The following TMEM14A variants were observed in gnomAD, a reference collection of about 807,000 sequenced individuals.
TMEM14A encodes the protein transmembrane protein 14A.
TMEM14A carries 8 observed loss-of-function variants against 11.6 expected under a neutral mutation model. The observed-to-expected ratio is 0.69, with a 90% CI of 0.40 to 1.24. The LOEUF (loss-of-function observed/expected upper bound fraction) is 1.24. Among genes scored for constraint, TMEM14A ranks in the 50% most tolerant of loss-of-function variants. TMEM14A has a pLI of 0.01. For missense variants in TMEM14A, 108 were observed against 121.9 expected, an observed-to-expected ratio of 0.89 and a Z score of 0.54; for synonymous variants, 34 against 45.5, an observed-to-expected ratio of 0.75 and a Z score of 1.02.
At chr6:52,671,834 A>G (rs771171287) in intron 1 of TMEM14A, among the ~76,000 whole-genome samples, 27 of 152,164 alleles carry the variant, frequency 1.8e-4, no homozygotes, top group Non-Finnish European at 3.7e-4. Flanking sequence ...CACATTTGTG[A>G]TGAGAGCGTG....
intron 2 of TMEM14A, among the ~76,000 whole-genome samples, chr6:52,677,829 T>C (rs945680791): frequency 6.6e-6 from 1 of 152,196 alleles, no homozygotes; most frequent in African/African-American, 2.4e-5. Flanking sequence ...AAGGGTATTG[T>C]ATTTGTGGCA....
At chr6:52,678,889 T>A (rs1443196258) in intron 2 of TMEM14A, among the ~76,000 whole-genome samples, 1 of 152,238 alleles carries the variant, frequency 6.6e-6, no homozygotes, top group African/African-American at 2.4e-5. Flanking sequence ...TTTTGTATTA[T>A]GTTCTAAGCT....
rs777724651 is a variant in TMEM14A, at chr6:52,684,083, G to C, written c.178G>C (p.Ala60Pro). Residue 60 changes from alanine (A) to proline (P), a missense_variant, in exon 4 of 5, where the codon GCT becomes CCT. Transcript: ENST00000211314. ...TGAATTAGTTTGGTTTTCAGTTACA[G>C]CTTTCTTCCTGGCTACCATAATGGG... ...KRDVKVSLFT[A>P]FFLATIMGVR... 3.1e-6 allele frequency: 5 copies of C among 1,612,580 alleles called. No homozygotes were observed. The highest frequency in any genetic ancestry group is 3.4e-6 in the Non-Finnish European group (4 of 1,179,596).
intron 3 of TMEM14A, among the ~76,000 whole-genome samples, 159 bp downstream of exon 3, chr6:52,682,073 C>G (rs1581745662): frequency 1.3e-5 from 2 of 152,176 alleles, no homozygotes; most frequent in Admixed American, 1.3e-4. Flanking sequence ...CTAGAAAGAC[C>G]TGATAAAAAA....
intron 1 of TMEM14A, among the ~76,000 whole-genome samples, chr6:52,675,102 C>T (rs761064478): frequency 3.9e-5 from 6 of 152,078 alleles, no homozygotes; most frequent in Non-Finnish European, 8.8e-5. Context: ...GGGCTGGTCT[C>T]AAACTCCTGA....
intron 1 of TMEM14A, among the ~76,000 whole-genome samples, chr6:52,676,205 A>T (rs530455806): frequency 6.6e-6 from 1 of 152,302 alleles, no homozygotes; most frequent in East Asian, 1.9e-4. Context: ...TGTGCTTAAC[A>T]GTGATGAGGA....
intron 1 of TMEM14A, among the ~76,000 whole-genome samples, chr6:52,672,265 C>G (rs1769174921): frequency 6.6e-6 from 1 of 151,580 alleles, no homozygotes; most frequent in Non-Finnish European, 1.5e-5. Flanking sequence ...AGGAGCTTGG[C>G]TGGCTGAGAG....
At chr6:52,676,812 G>C (rs554511812) in intron 1 of TMEM14A, among the ~76,000 whole-genome samples, 6 of 152,268 alleles carry the variant, frequency 3.9e-5, no homozygotes, top group African/African-American at 1.4e-4. Flanking sequence ...GAGAGCACGT[G>C]AAGGGGGAAG....
Position 52,671,426 on chromosome 6 carries a change from A to G in TMEM14A, c.-17+181A>G, listed in dbSNP as rs372528795. Among the ~76,000 whole-genome samples, 32 of 152,086 alleles carry G rather than the reference A, an allele frequency of 2.1e-4. No individual in the cohort carries two copies. In the East Asian group the frequency reaches 3.5e-3, roughly 17 times the overall value. On this transcript the variant is annotated intron_variant, in intron 1 of 4. Transcript: ENST00000211314. ...GCATCGGTCTTACCTCCGCGGTATCATTTTTCTCCTCCTCCCGAGTTTCTG... is the reference window on the plus strand; with the variant it reads ...GCATCGGTCTTACCTCCGCGGTATCGTTTTTCTCCTCCTCCCGAGTTTCTG...
chr6:52,681,926 A>G lies in TMEM14A; in HGVS notation c.172+12A>G, dbSNP rs764596286. 6.2e-7 allele frequency: 1 copy of G among 1,609,504 alleles called. No homozygotes were observed. The highest frequency in any genetic ancestry group is 1.1e-5 in the South Asian group (1 of 90,854). On this transcript the variant is annotated intron_variant, in intron 3 of 4. Transcript: ENST00000211314. ...AAAAGTGTCACTGTGTAAGTAAGGC[A>G]TTTTTCCTGGTTACAGAGACTCAAA...
At chr6:52,676,089 C>T (rs1769252582) in intron 1 of TMEM14A, among the ~76,000 whole-genome samples, 2 of 152,060 alleles carry the variant, frequency 1.3e-5, no homozygotes, top group African/African-American at 4.8e-5. Context: ...ACCTGGCTGA[C>T]CAGAGCAGAA....
chr6:52,680,267 G>A (rs528891188), intron 2 of TMEM14A, among the ~76,000 whole-genome samples: 2 of 151,948 alleles, frequency 1.3e-5, no homozygotes, highest in South Asian at 2.1e-4. Flanking sequence ...GCAGACATCC[G>A]AAGGTGAGCT....
At chr6:52,680,704 T>TATACACACAC (rs371102796) in intron 2 of TMEM14A, among the ~76,000 whole-genome samples, 3 of 51,106 alleles carry the variant, frequency 5.9e-5, no homozygotes, top group South Asian at 8.2e-4. Flanking sequence ...TATATATATA[T>TATACACACAC]ACACATATAT....
intron 2 of TMEM14A, among the ~76,000 whole-genome samples, chr6:52,679,659 G>C (rs73433351): frequency 0.013 from 1,970 of 152,236 alleles, 34 homozygotes; most frequent in African/African-American, 0.045. Context: ...TTGTTCTCAG[G>C]ATCTTTGCTT....
chr6:52,682,016 A>G (rs1057416490), intron 3 of TMEM14A, 102 bp downstream of exon 3: 4 of 933,782 alleles, frequency 4.3e-6, no homozygotes, highest in Admixed American at 2.5e-5. Flanking sequence ...TCAAATGGCA[A>G]ATGGCCATAT....
chr6:52,678,404 T>C (rs1453762473), intron 2 of TMEM14A, among the ~76,000 whole-genome samples: 1 of 151,456 alleles, frequency 6.6e-6, no homozygotes, highest in African/African-American at 2.4e-5. Flanking sequence ...TCACATCTCT[T>C]CATTGTTTAC....
intron 2 of TMEM14A, among the ~76,000 whole-genome samples, chr6:52,680,135 A>G (rs955352900): frequency 4.6e-5 from 7 of 152,116 alleles, no homozygotes; most frequent in African/African-American, 1.7e-4. Flanking sequence ...ATCGCTCACA[A>G]GTGAGTAAGG....
chr6:52,673,197 G>C (rs1042498354), intron 1 of TMEM14A, among the ~76,000 whole-genome samples: 1 of 152,180 alleles, frequency 6.6e-6, no homozygotes, highest in Non-Finnish European at 1.5e-5. Flanking sequence ...GAATGACCCT[G>C]TGTGGCAGAT....
rs1769271285 is a variant in TMEM14A at position 52,677,096 on chromosome 6, C to G, written c.-7C>G. 1 of 1,614,006 alleles carries G rather than the reference C, an allele frequency of 6.2e-7. No individual in the cohort carries two copies. The highest frequency in any genetic ancestry group is 1.3e-5 in the African/African-American group (1 of 74,902). On this transcript the variant is annotated 5_prime_UTR_variant, in exon 2 of 5. Transcript: ENST00000211314. Reference sequence around the variant, plus strand: ...TTCCCCCTTGCTTTAGAATTGCAACCTTGCCAATGGACCTGATCGGTTTTG... The same window carrying G: ...TTCCCCCTTGCTTTAGAATTGCAACGTTGCCAATGGACCTGATCGGTTTTG...
Sources: allele counts gnomAD v4.1 joint callset (sites outside exome capture counted in the v4.1 genomes callset), GRCh38; gene constraint gnomAD v4.1.1; transcripts MANE v1.5; gene names NCBI Gene and HGNC (gene_info 2026-07-23, HGNC 2026-07-21).